MCCC2: variants seen among roughly 807,000 people sequenced by gnomAD.
The protein encoded by MCCC2 is methylcrotonoyl-CoA carboxylase beta chain, mitochondrial.
Under a neutral mutation model 77.2 loss-of-function variants are expected in MCCC2, and 52 were observed. That is an observed-to-expected ratio of 0.67 (90% CI 0.54 to 0.85). The LOEUF (loss-of-function observed/expected upper bound fraction) is 0.85, where lower values mean the gene tolerates loss of function less well. MCCC2 is among the 40% of genes least tolerant of loss of function. The probability of loss-of-function intolerance (pLI) is 0.00; values close to 1 mark genes in which losing one functional copy is unlikely to be tolerated. For synonymous variants in MCCC2, 253 were observed against 248.4 expected, an observed-to-expected ratio of 1.02 and a Z score of -0.18; for missense variants, 682 against 703.2, an observed-to-expected ratio of 0.97 and a Z score of 0.34.
intron 6 of MCCC2, among the ~76,000 whole-genome samples, chr5:71,616,281 C>A (rs1746151363): frequency 6.6e-6 from 1 of 152,186 alleles, no homozygotes; most frequent in Non-Finnish European, 1.5e-5. Context: ...TTAGTCAAAC[C>A]CAAGGATGGG....
intron 6 of MCCC2, among the ~76,000 whole-genome samples, chr5:71,609,300 C>T (rs919121478): frequency 1.3e-4 from 20 of 151,272 alleles, no homozygotes; most frequent in Admixed American, 4.0e-4. Context: ...CTTCCCTTCT[C>T]GCTTCATTTC....
At chr5:71,637,716 G>C (rs750987245) in intron 10 of MCCC2, among the ~76,000 whole-genome samples, 2 of 152,138 alleles carry the variant, frequency 1.3e-5, no homozygotes, top group Non-Finnish European at 2.9e-5. Context: ...ATTTGATCCA[G>C]GGTAGAACTT....
At chr5:71,650,448 TTTTTA>T (rs1345891920) in intron 15 of MCCC2, among the ~76,000 whole-genome samples, 1 of 152,138 alleles carries the variant, frequency 6.6e-6, no homozygotes, top group African/African-American at 2.4e-5. Flanking sequence ...AGAAAACACT[TTTTTA>T]TTTTATTTTT....
chr5:71,611,404 A>C (rs1407279882), intron 6 of MCCC2, among the ~76,000 whole-genome samples: 6 of 152,238 alleles, frequency 3.9e-5, no homozygotes. Flanking sequence ...CCTGTCTCAC[A>C]AAAGAAAAAG....
Position 71,652,728 on chromosome 5 carries a change from A to G in MCCC2, c.1548A>G (p.Glu516=), listed in dbSNP as rs1315911728. 1.2e-6 allele frequency: 2 copies of G among 1,614,206 alleles called. No individual in the cohort carries two copies. Among genetic ancestry groups the G allele is most frequent in the Non-Finnish European group, 8.5e-7 (1 of 1,180,028 alleles). ...CCATCATTAAGAAGTTTGAAGAGGAAGGAAACCCTTACTATTCCAGCGCAA... is the reference window on the plus strand; with the variant it reads ...CCATCATTAAGAAGTTTGAAGAGGAGGGAAACCCTTACTATTCCAGCGCAA... ...KEPIIKKFEE[E]GNPYYSSARV... Residue 516 remains glutamate (E), a synonymous_variant, in exon 16 of 17, where the codon GAA becomes GAG. Transcript: ENST00000340941.
intron 7 of MCCC2, among the ~76,000 whole-genome samples, chr5:71,630,427 A>G (rs1746670010): frequency 6.6e-6 from 1 of 151,438 alleles, no homozygotes; most frequent in African/African-American, 2.4e-5. Flanking sequence ...CTATCACACT[A>G]TCAAACGTTG....
At chr5:71,615,836 C>A (rs1356654995) in intron 6 of MCCC2, among the ~76,000 whole-genome samples, 1 of 151,900 alleles carries the variant, frequency 6.6e-6, no homozygotes, top group Admixed American at 6.5e-5. Context: ...CTCCAAAATC[C>A]CTTGGAATTT....
chr5:71,646,696 A>G (rs987215118), intron 13 of MCCC2, among the ~76,000 whole-genome samples: 6 of 152,266 alleles, frequency 3.9e-5, no homozygotes, highest in African/African-American at 1.2e-4. Flanking sequence ...TTCTAAGTGA[A>G]GCTATTTCTG....
rs142470274 is a variant in MCCC2 at position 71,622,992 on chromosome 5, C to T, written c.625-3648C>T. The stretch of plus-strand genomic sequence containing the variant: ...GCACAGAAAGTTGTACATATTTCTG[C>T]AGTACGTTTCATAAACTGTTCATGA... On this transcript the variant is annotated intron_variant, in intron 6 of 16. Transcript: ENST00000340941. 2.8e-3 allele frequency among the ~76,000 whole-genome samples: 423 copies of T among 152,104 alleles called. 3 individuals carry two copies. Among genetic ancestry groups the T allele is most frequent in the African/African-American group, 9.2e-3 (381 of 41,502 alleles).
At chr5:71,587,586 G>C (rs1434767869) in intron 1 of MCCC2, 32 bp downstream of exon 1, 1 of 1,529,382 alleles carries the variant, frequency 6.5e-7, no homozygotes, top group Non-Finnish European at 8.8e-7. Context: ...CCTGGCCGCC[G>C]GTGCCAGGCT....
chr5:71,619,641 C>T (rs901030502), intron 6 of MCCC2, among the ~76,000 whole-genome samples: 2 of 152,086 alleles, frequency 1.3e-5, no homozygotes, highest in Non-Finnish European at 2.9e-5. Flanking sequence ...TCAAGCAATC[C>T]TCTTGCCTCA....
intron 2 of MCCC2, among the ~76,000 whole-genome samples, chr5:71,595,443 A>AT (rs1385817138): frequency 6.6e-6 from 1 of 151,860 alleles, no homozygotes; most frequent in African/African-American, 2.4e-5. Context: ...AAAAAAAAAA[A>AT]AAAGGTCCTA....
intron 6 of MCCC2, among the ~76,000 whole-genome samples, chr5:71,615,313 C>T: frequency 6.6e-6 from 1 of 152,182 alleles, no homozygotes; most frequent in Non-Finnish European, 1.5e-5. Flanking sequence ...TAACTGCTCA[C>T]TCCTTCAAAC....
At chr5:71,641,916 T>A (rs1357727534) in intron 11 of MCCC2, among the ~76,000 whole-genome samples, 2 of 152,242 alleles carry the variant, frequency 1.3e-5, no homozygotes, top group African/African-American at 4.8e-5. Flanking sequence ...AGAATTTATG[T>A]TTTTGTACTT....
At position 71,658,277 on chromosome 5, in the gene MCCC2, T is replaced by G. The variant is rs1412484185; in HGVS notation, c.*1417T>G. On this transcript the variant is annotated 3_prime_UTR_variant, in exon 17 of 17. Coordinates refer to ENST00000340941, the MANE Select transcript of MCCC2 (RefSeq NM_022132.5). ...CCTTCCCACCTTAGGGTCTATAAGG[T>G]TCCCTCTGCCCAAATTGTTCTACTC... The G allele has an allele frequency of 6.6e-6, 1 of 152,098 alleles. No homozygotes were observed. The highest frequency in any genetic ancestry group is 1.5e-5 in the Non-Finnish European group (1 of 68,028). The allele number at this position is 152,098 out of a possible 1,614,324, so 9.4% of individuals were successfully genotyped here.
chr5:71,652,414 A>G (rs1441733898), intron 15 of MCCC2, among the ~76,000 whole-genome samples: 2 of 152,198 alleles, frequency 1.3e-5, no homozygotes, highest in African/African-American at 4.8e-5. Context: ...TGTGATACAC[A>G]GTACCCTGGG....
chr5:71,624,947 A>C (rs1293552994), intron 6 of MCCC2, among the ~76,000 whole-genome samples: 1 of 135,218 alleles, frequency 7.4e-6, no homozygotes. Flanking sequence ...ACCCACCCCC[A>C]CCTCCCAAAG....
At chr5:71,596,852 G>A (rs1423363007) in intron 3 of MCCC2, among the ~76,000 whole-genome samples, 2 of 151,878 alleles carry the variant, frequency 1.3e-5, no homozygotes, top group Admixed American at 6.6e-5. Flanking sequence ...AGGCAGGAGA[G>A]TCGCTCGAAC....
chr5:71,599,108 C>T (rs1401581109), intron 3 of MCCC2, among the ~76,000 whole-genome samples: 2 of 152,008 alleles, frequency 1.3e-5, no homozygotes, highest in South Asian at 2.1e-4. Context: ...TGGCTCATGC[C>T]TGTAATCCCA....
Sources: allele counts gnomAD v4.1 joint callset (sites outside exome capture counted in the v4.1 genomes callset), GRCh38; gene constraint gnomAD v4.1.1; transcripts MANE v1.5; gene names NCBI Gene and HGNC (gene_info 2026-07-23, HGNC 2026-07-21).